MOK: variants seen among roughly 807,000 people sequenced by gnomAD.
The protein encoded by MOK is MOK protein kinase.
MOK carries 59 observed loss-of-function variants against 54.2 expected under a neutral mutation model. The observed-to-expected ratio is 1.09, with a 90% CI of 0.88 to 1.35. MOK has a LOEUF of 1.35. Ranked by LOEUF, MOK falls within the 40% of genes most tolerant of loss-of-function variation. The pLI is 0.00. For missense variants in MOK, 517 were observed against 526.2 expected (o/e 0.98, Z 0.17); for synonymous variants, 210 against 202.7 (o/e 1.04, Z -0.31).
chr14:102,216,710 A>C, the MOK span, among the ~76,000 whole-genome samples: 1 of 152,144 alleles, frequency 6.6e-6, no homozygotes, highest in South Asian at 2.1e-4. Context: ...CGGGTGGATC[A>C]CCTGAGCCCA....
downstream of MOK, among the ~76,000 whole-genome samples, chr14:102,227,952 T>C (rs947826749): frequency 6.6e-6 from 1 of 152,194 alleles, no homozygotes; most frequent in Non-Finnish European, 1.5e-5. Context: ...TTCAAAAATA[T>C]CTCTTTAAGT....
At position 102,233,808 on chromosome 14, in the gene MOK, C is replaced by T. The variant is rs376348272; in HGVS notation, c.591-19G>A. The stretch of plus-strand genomic sequence containing the variant: ...CTGCAGACTGGAAGGGCAGAAGGGG[C>T]ACTGTGGTCAGTGTTAGGGCAGAGC... On this transcript the variant is annotated intron_variant, in intron 7 of 11. Coordinates refer to ENST00000361847, the MANE Select transcript of MOK (RefSeq NM_014226.3). The T allele has an allele frequency of 1.1e-4, 174 of 1,580,098 alleles. No homozygotes were observed. Among genetic ancestry groups the T allele is most frequent in the Non-Finnish European group, 1.5e-4 (170 of 1,149,292 alleles).
chr14:102,270,267 T>A (rs1472065621), intron 2 of MOK, among the ~76,000 whole-genome samples: 2 of 152,228 alleles, frequency 1.3e-5, no homozygotes, highest in Admixed American at 6.5e-5. Context: ...GATACTTATG[T>A]GTAAATACTA....
intron 1 of MOK, among the ~76,000 whole-genome samples, chr14:102,292,733 C>A (rs999897234): frequency 2.0e-5 from 3 of 150,950 alleles, no homozygotes; most frequent in Non-Finnish European, 4.4e-5. Context: ...TGTGCCATTA[C>A]ACTTAGAGAA....
intron 2 of MOK, among the ~76,000 whole-genome samples, chr14:102,273,929 C>T (rs879333431): frequency 6.6e-6 from 1 of 152,044 alleles, no homozygotes; most frequent in Non-Finnish European, 1.5e-5. Context: ...TCAATACAAT[C>T]CTATTCATAA....
At chr14:102,264,670 A>C (rs1268821187) in intron 3 of MOK, 1 of 152,272 alleles carries the variant, frequency 6.6e-6, no homozygotes, top group East Asian at 1.9e-4. Flanking sequence ...GACCTGGCCC[A>C]AATTGACTTC....
chr14:102,278,126 C>T (rs530888186), intron 2 of MOK, among the ~76,000 whole-genome samples: 15 of 152,254 alleles, frequency 9.9e-5, no homozygotes, highest in African/African-American at 3.6e-4. Context: ...AGCAAGCCCT[C>T]GCCAGATACC....
chr14:102,288,681 G>A (rs975066545), intron 1 of MOK, among the ~76,000 whole-genome samples: 11 of 152,174 alleles, frequency 7.2e-5, no homozygotes, highest in Non-Finnish European at 1.5e-5. Flanking sequence ...TACTTTAAAT[G>A]AGTGAACGTT....
Position 102,293,701 on chromosome 14 carries a change from C to CAAA in MOK, c.8-10112_8-10110dup, listed in dbSNP as rs10598736. Among the ~76,000 whole-genome samples the CAAA allele has an allele frequency of 9.6e-3, 521 of 54,506 alleles. 8 individuals are homozygous for CAAA. The highest frequency in any genetic ancestry group is 0.013 in the Non-Finnish European group (355 of 27,612). 35.8% of individuals were successfully genotyped at this position (54,506 alleles called of 152,430 possible). A position where few individuals can be genotyped will look rare whatever the true frequency, so the allele number is the denominator to read the frequency against. On this transcript the variant is annotated intron_variant, in intron 1 of 11. Coordinates refer to ENST00000361847, the MANE Select transcript of MOK (RefSeq NM_014226.3). The stretch of plus-strand genomic sequence containing the variant: ...GGGCAACAAGAGCGAAACTCCATCA[C>CAAA]AAAAAAAAAAAAAAAAAAAAAAAAA...
intron 1 of MOK, among the ~76,000 whole-genome samples, chr14:102,294,264 G>A (rs548340443): frequency 3.9e-5 from 6 of 151,960 alleles, no homozygotes; most frequent in East Asian, 1.9e-4. Flanking sequence ...GGCTAACATG[G>A]TGAAACCCCG....
rs759804006 is a variant in MOK, at chr14:102,231,725, G to A, written c.963C>T (p.Ser321=). 1 of 1,611,404 alleles carries A rather than the reference G, an allele frequency of 6.2e-7. No individual in the cohort carries two copies. The highest frequency in any genetic ancestry group is 8.5e-7 in the Non-Finnish European group (1 of 1,179,008). ...TTAGTACCTGCTTTCTGCCCTCCTTGGAAATCTGGCAGCTGTTACTGAGTG... is the reference window on the plus strand; with the variant it reads ...TTAGTACCTGCTTTCTGCCCTCCTTAGAAATCTGGCAGCTGTTACTGAGTG... ...PEPLSNSCQI[S]KEGRKQKQSL... is the part of the protein sequence containing the mutation. The change falls in exon 10 of 12, where the codon TCC becomes TCT. Residue 321 remains serine, a synonymous_variant. Coordinates refer to ENST00000361847, the MANE Select transcript of MOK (RefSeq NM_014226.3). This position sits in a 1 kb window ranked among gnomAD's most constrained non-coding sequence, Gnocchi z 4.4.
chr14:102,225,969 CAGA>C, downstream of MOK: 2 of 313,752 alleles, frequency 6.4e-6, no homozygotes, highest in Non-Finnish European at 1.2e-5. Context: ...GGATTAGGCC[CAGA>C]AGAAGCCAGG....
chr14:102,222,607 T>C (rs1313392495), downstream of MOK, among the ~76,000 whole-genome samples: 2 of 152,140 alleles, frequency 1.3e-5, no homozygotes, highest in African/African-American at 4.8e-5. The surrounding 1 kb of genome is among the most constrained non-coding windows in gnomAD (Gnocchi z 4.4). Flanking sequence ...TTGGACGGTA[T>C]TGAGGCCACA....
chr14:102,292,668 T>A (rs2070895946), intron 1 of MOK, among the ~76,000 whole-genome samples: 1 of 151,734 alleles, frequency 6.6e-6, no homozygotes, highest in Admixed American at 6.6e-5. Flanking sequence ...CTATGCACCT[T>A]CTCCTCATAA....
the MOK span, chr14:102,215,145 T>C: frequency 3.6e-6 from 1 of 277,360 alleles, no homozygotes; most frequent in African/African-American, 2.3e-5. Flanking sequence ...AATTGCTCCC[T>C]CTTACTAAAG....
intron 1 of MOK, among the ~76,000 whole-genome samples, chr14:102,300,054 T>C (rs1413374204): frequency 6.6e-6 from 1 of 152,038 alleles, no homozygotes; most frequent in Non-Finnish European, 1.5e-5. Context: ...CCGGGCACAG[T>C]GGCTCATGCA....
downstream of MOK, chr14:102,223,036 G>A (rs1473488783): frequency 8.7e-6 from 7 of 803,756 alleles, no homozygotes; most frequent in African/African-American, 1.7e-5. Context: ...CTCACTCTGC[G>A]GCGCCGTGCT....
Position 102,233,689 on chromosome 14 carries a change from G to C in MOK, c.691C>G (p.Gln231Glu). The change falls in exon 8 of 12, where the codon CAG becomes GAG. Residue 231 changes from glutamine to glutamate, a missense_variant and splice_region_variant. Physicochemically the swap from Gln to Glu is conservative, Grantham distance 29. Coordinates refer to ENST00000361847, the MANE Select transcript of MOK (RefSeq NM_014226.3). ...PAQKILTKFK[Q>E]SRAMNFDFPF... ...CCACTCTCAGAACACAATACTTACTGTTTGAACTTGGTGAGGATCTTCTGA... is the reference window on the plus strand; with the variant it reads ...CCACTCTCAGAACACAATACTTACTCTTTGAACTTGGTGAGGATCTTCTGA... 1 of 1,611,562 alleles carries C rather than the reference G, an allele frequency of 6.2e-7. No homozygotes were observed. Among genetic ancestry groups the C allele is most frequent in the Non-Finnish European group, 8.5e-7 (1 of 1,177,642 alleles).
intron 1 of MOK, among the ~76,000 whole-genome samples, chr14:102,297,769 C>T (rs905408858): frequency 3.3e-5 from 5 of 152,174 alleles, no homozygotes; most frequent in East Asian, 1.9e-4. Flanking sequence ...CAGCGGGCCC[C>T]GCACTAGGTG....
Sources: allele counts gnomAD v4.1 joint callset (sites outside exome capture counted in the v4.1 genomes callset), GRCh38; gene constraint gnomAD v4.1.1; non-coding constraint Gnocchi (gnomAD v3.1); transcripts MANE v1.5; gene names NCBI Gene and HGNC (gene_info 2026-07-23, HGNC 2026-07-21).